Variants in DLG2 observed in about 807,000 individuals in gnomAD.
The protein encoded by DLG2 is disks large homolog 2.
DLG2 carries 45 observed loss-of-function variants against 132.5 expected under a neutral mutation model. The ratio of observed to expected loss-of-function variants is 0.34; its 90% CI spans 0.27 to 0.44. The LOEUF is 0.44. DLG2 is among the 20% of genes least tolerant of loss of function. The pLI is 1.00. For missense variants in DLG2, 1,045 were observed against 1,196.9 expected (o/e 0.87, Z 1.87); for synonymous variants, 424 against 419.6 (o/e 1.01, Z -0.13).
rs1555151886 is a variant in DLG2 at position 83,520,695 on chromosome 11, G to GTAGGTAGATAGA, written c.2193+12012_2193+12013insTCTATCTACCTA. Among the ~76,000 whole-genome samples, 55 of 149,034 alleles carry GTAGGTAGATAGA rather than the reference G, an allele frequency of 3.7e-4. 1 individual carries two copies. The highest frequency in any genetic ancestry group is 1.2e-3 in the African/African-American group (50 of 40,342). On this transcript the variant is annotated intron_variant, in intron 21 of 27. Coordinates refer to ENST00000376104, the MANE Select transcript of DLG2 (RefSeq NM_001142699.3). ...GAAAGACAGACAGGTAAGTAGGTAG[G>GTAGGTAGATAGA]TAGATAGATAGATAGATAGATAGAT... is the stretch of plus-strand genomic sequence containing the variant.
chr11:85,187,833 G>T (rs1182715508), intron 4 of DLG2, among the ~76,000 whole-genome samples: 2 of 152,148 alleles, frequency 1.3e-5, no homozygotes, highest in Non-Finnish European at 2.9e-5. Flanking sequence ...AGTCTCAGTG[G>T]CAAGCAAAAG....
At chr11:83,718,446 C>T (rs1216606485) in intron 18 of DLG2, among the ~76,000 whole-genome samples, 2 of 147,032 alleles carry the variant, frequency 1.4e-5, no homozygotes, top group Non-Finnish European at 3.0e-5. Flanking sequence ...ATTGCTTGAA[C>T]CTGGGAGGCG....
chr11:85,353,779 A>G (rs557242790), intron 3 of DLG2, among the ~76,000 whole-genome samples: 1 of 152,124 alleles, frequency 6.6e-6, no homozygotes, highest in Non-Finnish European at 1.5e-5. Context: ...ATAGGTGGGA[A>G]TTCAACAGTG....
At chr11:84,205,211 A>G (rs1339706359) in intron 8 of DLG2, among the ~76,000 whole-genome samples, 1 of 152,216 alleles carries the variant, frequency 6.6e-6, no homozygotes, top group African/African-American at 2.4e-5. Flanking sequence ...AACTGTATTC[A>G]TACCTAACCA....
chr11:84,844,453 C>T (rs1039850530), intron 6 of DLG2, among the ~76,000 whole-genome samples: 4 of 151,868 alleles, frequency 2.6e-5, no homozygotes, highest in Admixed American at 1.3e-4. Context: ...TTCATCCCTC[C>T]AGGGACTACC....
chr11:83,893,180 TAAAACAGCG>T, intron 15 of DLG2, among the ~76,000 whole-genome samples: 1 of 152,206 alleles, frequency 6.6e-6, no homozygotes, highest in South Asian at 2.1e-4. Context: ...AGTAGACTGT[TAAAACAGCG>T]TCCCAACTGA....
intron 6 of DLG2, among the ~76,000 whole-genome samples, chr11:84,802,915 T>C (rs1386086902): frequency 6.6e-6 from 1 of 152,120 alleles, no homozygotes; most frequent in Non-Finnish European, 1.5e-5. Context: ...TTCTCCTCCC[T>C]CAGCCACCTA....
At chr11:84,374,286 C>T (rs1323811574) in intron 7 of DLG2, among the ~76,000 whole-genome samples, 1 of 152,132 alleles carries the variant, frequency 6.6e-6, no homozygotes, top group African/African-American at 2.4e-5. Flanking sequence ...CCAATTTGAA[C>T]ACTTCAGGAT....
chr11:84,492,738 T>C (rs899381532), intron 7 of DLG2, among the ~76,000 whole-genome samples: 2 of 152,180 alleles, frequency 1.3e-5, no homozygotes, highest in African/African-American at 4.8e-5. Context: ...ATTATTATTA[T>C]GTCATCTTTA....
intron 6 of DLG2, among the ~76,000 whole-genome samples, chr11:84,849,908 G>T (rs184857010): frequency 1.2e-4 from 19 of 152,132 alleles, no homozygotes; most frequent in Non-Finnish European, 1.9e-4. Context: ...GCTATTGAGA[G>T]AATGATTTAA....
intron 20 of DLG2, among the ~76,000 whole-genome samples, chr11:83,540,461 C>T (rs750115971): frequency 2.0e-5 from 3 of 152,110 alleles, no homozygotes; most frequent in Non-Finnish European, 4.4e-5. Flanking sequence ...GAGGGAGAGG[C>T]TCCCTGGAAT....
Position 84,099,036 on chromosome 11 carries a change from G to T in DLG2, c.636C>A (p.Gly212=). Residue 212 remains glycine (G), a synonymous_variant, in exon 10 of 28, where the codon GGC becomes GGA. Coordinates refer to ENST00000376104, the MANE Select transcript of DLG2 (RefSeq NM_001142699.3). ...EEITLERGNS[G]LGFSIAGGTD... ...TCCCCCCAGCAATACTGAATCCCAG[G>T]CCAGAATTCCCCTATAGAAACAAAA... 1.2e-6 allele frequency: 2 copies of T among 1,612,982 alleles called. No homozygotes were observed. Among genetic ancestry groups the T allele is most frequent in the East Asian group, 4.5e-5 (2 of 44,866 alleles).
intron 3 of DLG2, among the ~76,000 whole-genome samples, chr11:85,567,048 A>G (rs775662961): frequency 1.3e-5 from 2 of 152,162 alleles, no homozygotes; most frequent in Non-Finnish European, 2.9e-5. Context: ...TCTTTATGCT[A>G]GTGCCACACT....
At chr11:84,167,574 A>G (rs2095698144) in intron 8 of DLG2, among the ~76,000 whole-genome samples, 1 of 152,208 alleles carries the variant, frequency 6.6e-6, no homozygotes, top group Admixed American at 6.6e-5. Flanking sequence ...TTTCATTGGA[A>G]TCTTAAATAA....
At chr11:83,808,670 C>T (rs964330172) in intron 17 of DLG2, among the ~76,000 whole-genome samples, 2 of 152,170 alleles carry the variant, frequency 1.3e-5, no homozygotes, top group Non-Finnish European at 2.9e-5. Flanking sequence ...TTTTCCCTTT[C>T]CAAGTTTGCA....
chr11:84,790,408 T>C (rs1300268859), intron 6 of DLG2, among the ~76,000 whole-genome samples: 1 of 152,216 alleles, frequency 6.6e-6, no homozygotes, highest in Non-Finnish European at 1.5e-5. Context: ...TCTATTCAAA[T>C]CTTTTGCCCA....
intron 5 of DLG2, among the ~76,000 whole-genome samples, chr11:85,131,067 A>G (rs1299118630): frequency 2.0e-5 from 3 of 151,960 alleles, no homozygotes; most frequent in Non-Finnish European, 2.9e-5. Flanking sequence ...ATGATAAATC[A>G]CAATACTGGA....
chr11:84,455,416 C>A (rs2099062801), intron 7 of DLG2, among the ~76,000 whole-genome samples: 1 of 151,064 alleles, frequency 6.6e-6, no homozygotes, highest in Admixed American at 6.6e-5. Flanking sequence ...TTTTAATTTC[C>A]AAAATTGATT....
At chr11:84,156,081 T>C (rs2095422589) in intron 9 of DLG2, among the ~76,000 whole-genome samples, 2 of 152,142 alleles carry the variant, frequency 1.3e-5, no homozygotes, top group South Asian at 2.1e-4. Context: ...CTAGGAACGA[T>C]AGAAGAATAT....
Sources: gnomAD v4.1 joint callset for allele counts (sites outside exome capture counted in the v4.1 genomes callset) on GRCh38, gnomAD v4.1.1 for gene constraint, MANE v1.5 for transcripts, NCBI Gene and HGNC (gene_info 2026-07-23, HGNC 2026-07-21) for gene names.